The following SCRG1 variants were observed in gnomAD, a reference collection of about 807,000 sequenced individuals.
SCRG1 encodes stimulator of chondrogenesis 1, also known as scrapie-responsive protein 1.
Under a neutral mutation model 7.7 loss-of-function variants are expected in SCRG1, and 3 were observed. That is an observed-to-expected ratio of 0.39 (90% CI 0.18 to 1.01). SCRG1 has a LOEUF of 1.01. SCRG1 is among the 50% of genes least tolerant of loss of function. The pLI is 0.36. For synonymous variants in SCRG1, 46 were observed against 41.2 expected (o/e 1.12, Z -0.44); for missense variants, 110 against 117.2 (o/e 0.94, Z 0.28).
the SCRG1 span, among the ~76,000 whole-genome samples, chr4:173,444,316 A>G: frequency 2.6e-5 from 4 of 152,126 alleles, no homozygotes; most frequent in Non-Finnish European, 5.9e-5. Context: ...TGTAGTAGTC[A>G]TTGTGGTTGA....
upstream of SCRG1, among the ~76,000 whole-genome samples, chr4:173,401,988 A>G (rs1739773481): frequency 6.6e-6 from 1 of 152,206 alleles, no homozygotes; most frequent in Non-Finnish European, 1.5e-5. Flanking sequence ...CTCAAATCTG[A>G]AACCACTCTT....
At chr4:173,501,549 G>A in the SCRG1 span, among the ~76,000 whole-genome samples, 2 of 152,152 alleles carry the variant, frequency 1.3e-5, no homozygotes. The surrounding 1 kb of genome is among the most constrained non-coding windows in gnomAD (Gnocchi z 5.1). Context: ...CTGCGCTCAG[G>A]CCTCTGCGGA....
At chr4:173,455,161 A>G in the SCRG1 span, among the ~76,000 whole-genome samples, 5 of 152,058 alleles carry the variant, frequency 3.3e-5, no homozygotes, top group Non-Finnish European at 7.4e-5. Context: ...CCACTAGATC[A>G]CAATCGAAGG....
the SCRG1 span, among the ~76,000 whole-genome samples, chr4:173,478,939 A>G: frequency 1.3e-5 from 2 of 152,212 alleles, no homozygotes; most frequent in Non-Finnish European, 2.9e-5. Flanking sequence ...ACCTGCTTAA[A>G]AAAGGAAAGA....
the SCRG1 span, among the ~76,000 whole-genome samples, chr4:173,473,917 C>T: frequency 1.3e-5 from 2 of 152,316 alleles, no homozygotes; most frequent in East Asian, 3.9e-4. Flanking sequence ...TGGTGGCTCA[C>T]GCCTGTAATC....
the SCRG1 span, among the ~76,000 whole-genome samples, chr4:173,484,947 A>G: frequency 4.8e-5 from 3 of 62,872 alleles, no homozygotes; most frequent in South Asian, 1.5e-3. Context: ...TATATATTAT[A>G]TATAATATTA....
the SCRG1 span, among the ~76,000 whole-genome samples, chr4:173,474,959 C>T: frequency 6.6e-6 from 1 of 150,610 alleles, no homozygotes; most frequent in Non-Finnish European, 1.5e-5. Context: ...TCTCTCTCAC[C>T]CCCTCATGTC....
chr4:173,455,411 C>T, the SCRG1 span, among the ~76,000 whole-genome samples: 2 of 152,064 alleles, frequency 1.3e-5, no homozygotes, highest in Non-Finnish European at 2.9e-5. Context: ...GTCAAGAACC[C>T]CAAGGTTCCA....
chr4:173,454,679 G>T, the SCRG1 span, among the ~76,000 whole-genome samples: 1 of 152,080 alleles, frequency 6.6e-6, no homozygotes, highest in Non-Finnish European at 1.5e-5. Context: ...TTGGGATCAG[G>T]CACTTCCCTG....
At chr4:173,468,234 A>G in the SCRG1 span, 1 of 152,470 alleles carries the variant, frequency 6.6e-6, no homozygotes, top group African/African-American at 2.4e-5. Context: ...CTGTGTAACA[A>G]TTGCTACAGT....
chr4:173,451,228 A>C, the SCRG1 span, among the ~76,000 whole-genome samples: 1 of 150,240 alleles, frequency 6.7e-6, no homozygotes, highest in Non-Finnish European at 1.5e-5. Context: ...CTAAGAGGAA[A>C]AGGAATAAGG....
At chr4:173,511,070 G>A in the SCRG1 span, among the ~76,000 whole-genome samples, 1 of 152,136 alleles carries the variant, frequency 6.6e-6, no homozygotes, top group East Asian at 1.9e-4. The surrounding 1 kb of genome is among the most constrained non-coding windows in gnomAD (Gnocchi z 5.2). Flanking sequence ...GGATTCAAGC[G>A]ATTCTCCTAC....
the SCRG1 span, among the ~76,000 whole-genome samples, chr4:173,508,724 G>C: frequency 2.6e-5 from 4 of 152,192 alleles, no homozygotes; most frequent in African/African-American, 9.6e-5. This position sits in a 1 kb window ranked among gnomAD's most constrained non-coding sequence, Gnocchi z 4.4. Context: ...CCCCGGCCGA[G>C]TTATGGACAT....
At chr4:173,488,809 A>T in the SCRG1 span, among the ~76,000 whole-genome samples, 1 of 152,234 alleles carries the variant, frequency 6.6e-6, no homozygotes, top group Non-Finnish European at 1.5e-5. Flanking sequence ...AAATAACATT[A>T]ATGAGTGTGT....
chr4:173,406,728 G>A (rs1007549236), upstream of SCRG1, among the ~76,000 whole-genome samples: 6 of 152,074 alleles, frequency 3.9e-5, no homozygotes, highest in Non-Finnish European at 8.8e-5. Context: ...GAATCATGTA[G>A]TATGTAGCCA....
At chr4:173,487,947 A>T in the SCRG1 span, among the ~76,000 whole-genome samples, 141 of 151,988 alleles carry the variant, frequency 9.3e-4, no homozygotes, top group African/African-American at 3.3e-3. Context: ...ACTAAAATGA[A>T]AAAATTAGCT....
At chr4:173,447,488 C>T in the SCRG1 span, among the ~76,000 whole-genome samples, 1 of 152,198 alleles carries the variant, frequency 6.6e-6, no homozygotes, top group Non-Finnish European at 1.5e-5. Flanking sequence ...AATATGTCAA[C>T]ATTTGTGCAA....
the SCRG1 span, among the ~76,000 whole-genome samples, chr4:173,509,962 C>T: frequency 2.0e-5 from 3 of 152,190 alleles, no homozygotes; most frequent in Non-Finnish European, 4.4e-5. This position sits in a 1 kb window ranked among gnomAD's most constrained non-coding sequence, Gnocchi z 5.7. Flanking sequence ...CTTTAGTTCA[C>T]TGCTGTTTTA....
At chr4:173,413,340 G>A in the SCRG1 span, among the ~76,000 whole-genome samples, 1 of 152,176 alleles carries the variant, frequency 6.6e-6, no homozygotes, top group African/African-American at 2.4e-5. Context: ...CCTCTAGGAA[G>A]GTGAGAACGT....
Sources: allele counts gnomAD v4.1 joint callset (sites outside exome capture counted in the v4.1 genomes callset), GRCh38; gene constraint gnomAD v4.1.1; non-coding constraint Gnocchi (gnomAD v3.1); transcripts MANE v1.5; gene names NCBI Gene and HGNC (gene_info 2026-07-23, HGNC 2026-07-21).